Variants in CEP120 observed in about 807,000 individuals in gnomAD.
CEP120 encodes the protein centrosomal protein 120, also known as centrosomal protein of 120 kDa.
Under a neutral mutation model 126.5 loss-of-function variants are expected in CEP120, and 113 were observed. That is an observed-to-expected ratio of 0.89 (90% CI 0.77 to 1.04). The LOEUF is 1.04. Ranked by LOEUF, CEP120 falls within the 50% of genes least tolerant of loss-of-function variation. The pLI is 0.00. For synonymous variants in CEP120, 400 were observed against 394.3 expected, an observed-to-expected ratio of 1.01 and a Z score of -0.17; for missense variants, 1,230 against 1,155.7, an observed-to-expected ratio of 1.06 and a Z score of -0.93.
rs556646829 is a variant in CEP120, at chr5:123,354,664, C to G, written c.2581-4575G>C. Among the ~76,000 whole-genome samples, 21 of 152,154 alleles carry G rather than the reference C, an allele frequency of 1.4e-4. No individual in the cohort carries two copies. In the East Asian group the frequency reaches 4.1e-3, roughly 29 times the overall value. ...TCCCTTTACCTACAGTAAAATGCCTCTCGCCCTATAAGTCTGGTTTGCCTA... is the reference window on the plus strand; with the variant it reads ...TCCCTTTACCTACAGTAAAATGCCTGTCGCCCTATAAGTCTGGTTTGCCTA... On this transcript the variant is annotated intron_variant, in intron 18 of 19. Coordinates refer to ENST00000306467, the MANE Select transcript of CEP120 (RefSeq NM_001375405.1).
At chr5:123,400,362 C>T (rs903557364) in intron 4 of CEP120, among the ~76,000 whole-genome samples, 2 of 151,888 alleles carry the variant, frequency 1.3e-5, no homozygotes, top group Non-Finnish European at 2.9e-5. Context: ...AAGCATTTAG[C>T]ACAGACTCTG....
intron 3 of CEP120, among the ~76,000 whole-genome samples, chr5:123,413,918 AT>A (rs753301475): frequency 2.0e-5 from 3 of 152,186 alleles, no homozygotes; most frequent in East Asian, 1.9e-4. Flanking sequence ...ATAAATCTGG[AT>A]TTTTTTCTGT....
At chr5:123,401,396 C>T (rs555270503) in intron 4 of CEP120, 11 of 1,461,924 alleles carry the variant, frequency 7.5e-6, no homozygotes, top group Admixed American at 5.0e-5. Context: ...AGCCTGGAGC[C>T]GGCTGATGTT....
At chr5:123,385,221 G>A (rs1220248415) in intron 10 of CEP120, 88 bp from the exon 11 acceptor site, 32 of 1,087,546 alleles carry the variant, frequency 2.9e-5, no homozygotes, top group South Asian at 1.4e-4. Flanking sequence ...CCTCAATGGA[G>A]TCAAAGATGT....
intron 4 of CEP120, among the ~76,000 whole-genome samples, chr5:123,408,403 A>T (rs1773836015): frequency 6.6e-6 from 1 of 151,988 alleles, no homozygotes; most frequent in Non-Finnish European, 1.5e-5. Context: ...AAAAGAAAGG[A>T]TACAAATTAC....
chr5:123,393,266 C>T (rs1482655028), intron 6 of CEP120, 34 bp downstream of exon 6: 3 of 1,600,774 alleles, frequency 1.9e-6, no homozygotes, highest in Admixed American at 1.7e-5. Flanking sequence ...TAAAAGACCA[C>T]CTCCAGCTAA....
In CEP120 at chr5:123,350,023, G is replaced by C. The variant is rs140306974; in HGVS notation, c.2647C>G (p.Arg883Gly). 5.6e-6 allele frequency: 9 copies of C among 1,613,562 alleles called. No homozygotes were observed. Among genetic ancestry groups the C allele is most frequent in the Non-Finnish European group, 7.6e-6 (9 of 1,179,756 alleles). The change falls in exon 19 of 20, where the codon CGT becomes GGT. Residue 883 changes from arginine to glycine, a missense_variant. Transcript: ENST00000306467. The part of the protein sequence containing the change: ...QQEELEQMRL[R>G]YLAAEEKDTV... ...TCTTTTTCCTCAGCGGCAAGGTAAC[G>C]TAGTCTCATCTGTTCCAATTCTTCC... is the stretch of plus-strand genomic sequence containing the variant.
intron 17 of CEP120, among the ~76,000 whole-genome samples, chr5:123,365,754 G>A (rs1273420563): frequency 6.6e-6 from 1 of 151,438 alleles, no homozygotes; most frequent in Non-Finnish European, 1.5e-5. Flanking sequence ...TTTAACAAGA[G>A]GCCATACCTC....
chr5:123,419,374 C>T (rs559635559), intron 1 of CEP120, among the ~76,000 whole-genome samples: 28 of 152,006 alleles, frequency 1.8e-4, no homozygotes, highest in Middle Eastern at 6.8e-3. Flanking sequence ...GGTGAAACCC[C>T]GTCTCTACTA....
intron 13 of CEP120, 144 bp from the exon 14 acceptor site, chr5:123,382,344 A>AG (rs1312562539): frequency 4.6e-6 from 2 of 437,724 alleles, no homozygotes; most frequent in Non-Finnish European, 8.0e-6. Context: ...AAAAAAAAAA[A>AG]AGGAGGATGC....
In CEP120 at chr5:123,364,473, A is replaced by C. The variant is rs372721355; in HGVS notation, c.2580+23T>G. The C allele has an allele frequency of 6.6e-4, 987 of 1,490,580 alleles. 1 individual carries two copies. Among genetic ancestry groups the C allele is most frequent in the Non-Finnish European group, 8.6e-4 (938 of 1,088,606 alleles). The allele number at this position is 1,490,580 out of a possible 1,614,324, so 92.3% of individuals were successfully genotyped here. On this transcript the variant is annotated intron_variant, in intron 18 of 19. Transcript: ENST00000306467. ...AGAAACAAGGGAAAAAGATATAAAA[A>C]GAATAAGCTATAAACTACATACCTG... is the stretch of plus-strand genomic sequence containing the variant.
intron 16 of CEP120, 92 bp downstream of exon 16, chr5:123,377,282 T>G (rs1771299126): frequency 8.3e-7 from 1 of 1,198,372 alleles, no homozygotes; most frequent in East Asian, 2.5e-5. Flanking sequence ...TACTATGAAT[T>G]TTACCACTTT....
intron 4 of CEP120, among the ~76,000 whole-genome samples, chr5:123,411,838 T>C (rs905211335): frequency 3.3e-5 from 5 of 152,192 alleles, no homozygotes; most frequent in Admixed American, 6.5e-5. Context: ...ATGTAAACTA[T>C]AGACCTTGGG....
intron 18 of CEP120, among the ~76,000 whole-genome samples, chr5:123,356,112 G>C (rs775685648): frequency 3.4e-4 from 52 of 152,114 alleles, no homozygotes; most frequent in African/African-American, 1.2e-3. Context: ...ATTTCTGAGG[G>C]CTCTGTTCTG....
chr5:123,382,693 G>A, intron 13 of CEP120, 44 bp downstream of exon 13: 1 of 1,557,140 alleles, frequency 6.4e-7, no homozygotes, highest in South Asian at 1.2e-5. Context: ...AAAATATACA[G>A]AGCAGACAAA....
intron 14 of CEP120, 29 bp downstream of exon 14, chr5:123,382,082 C>T: frequency 7.2e-7 from 1 of 1,392,274 alleles, no homozygotes. Context: ...ATTCTTCCTT[C>T]TCTTCCTCAC....
intron 18 of CEP120, among the ~76,000 whole-genome samples, chr5:123,360,014 G>A (rs993546921): frequency 4.9e-4 from 74 of 151,844 alleles, no homozygotes; most frequent in African/African-American, 1.7e-3. Flanking sequence ...GTTTTGTATG[G>A]CCCTCCAGAG....
intron 4 of CEP120, among the ~76,000 whole-genome samples, chr5:123,412,048 T>C (rs1261537640): frequency 6.6e-6 from 1 of 152,162 alleles, no homozygotes; most frequent in African/African-American, 2.4e-5. Flanking sequence ...AGAAAAAATA[T>C]AAAGGTTTTG....
chr5:123,382,928 C>T (rs374536128), intron 12 of CEP120, 39 bp from the exon 13 acceptor site: 2 of 1,607,216 alleles, frequency 1.2e-6, no homozygotes, highest in South Asian at 1.1e-5. Context: ...AACACTCACA[C>T]ACATATGCAC....
Sources: gnomAD v4.1 joint callset for allele counts (sites outside exome capture counted in the v4.1 genomes callset) on GRCh38, gnomAD v4.1.1 for gene constraint, MANE v1.5 for transcripts, NCBI Gene and HGNC (gene_info 2026-07-23, HGNC 2026-07-21) for gene names.